Variants in SIL1 observed in about 807,000 individuals in gnomAD.
SIL1 encodes SIL1 nucleotide exchange factor, also known as nucleotide exchange factor SIL1.
A neutral mutation model predicts 49.1 loss-of-function variants in SIL1; 40 were observed. The ratio of observed to expected loss-of-function variants is 0.81; its 90% CI spans 0.63 to 1.06. The LOEUF (loss-of-function observed/expected upper bound fraction) is 1.06. SIL1 is among the 50% of genes least tolerant of loss of function. The pLI is 0.00. For missense variants in SIL1, 500 were observed against 572.6 expected (o/e 0.87, Z 1.29); for synonymous variants, 253 against 250.8 (o/e 1.01, Z -0.08).
intron 3 of SIL1, among the ~76,000 whole-genome samples, chr5:139,082,934 A>G (rs893015196): frequency 6.6e-6 from 1 of 152,226 alleles, no homozygotes; most frequent in African/African-American, 2.4e-5. Flanking sequence ...CTAGACGAAC[A>G]GGAAGGCCCC....
chr5:139,111,942 C>G (rs1315665212), intron 3 of SIL1, among the ~76,000 whole-genome samples: 2 of 152,240 alleles, frequency 1.3e-5, no homozygotes, highest in Non-Finnish European at 2.9e-5. Context: ...TGCAACCTCC[C>G]TGCCTGATTC....
At chr5:139,106,832 C>T (rs1770723663) in intron 3 of SIL1, among the ~76,000 whole-genome samples, 2 of 152,236 alleles carry the variant, frequency 1.3e-5, no homozygotes, top group South Asian at 4.1e-4. Flanking sequence ...TGTGCAAAAG[C>T]AAGCCACTTG....
intron 1 of SIL1, among the ~76,000 whole-genome samples, chr5:139,128,221 C>T (rs1750793173): frequency 6.6e-6 from 1 of 152,162 alleles, no homozygotes; most frequent in African/African-American, 2.4e-5. Flanking sequence ...GGCACAAATC[C>T]ACATAAGCCT....
intron 1 of SIL1, among the ~76,000 whole-genome samples, chr5:139,130,115 C>T (rs963261361): frequency 5.9e-5 from 9 of 151,856 alleles, no homozygotes; most frequent in African/African-American, 2.2e-4. Context: ...TCTAAAAAAA[C>T]AAATTAAAAA....
intron 3 of SIL1, among the ~76,000 whole-genome samples, chr5:139,109,114 T>C (rs972827553): frequency 6.6e-6 from 1 of 152,212 alleles, no homozygotes. Flanking sequence ...TTTATCTGGG[T>C]GCCTCCATTA....
At chr5:139,032,382 C>T (rs1768812746) in intron 5 of SIL1, among the ~76,000 whole-genome samples, 1 of 152,146 alleles carries the variant, frequency 6.6e-6, no homozygotes, top group Non-Finnish European at 1.5e-5. Flanking sequence ...ATTTTTTGTA[C>T]ACTGAACCAG....
chr5:139,162,658 G>C (rs1561885736), intron 1 of SIL1, among the ~76,000 whole-genome samples: 1 of 152,118 alleles, frequency 6.6e-6, no homozygotes, highest in Non-Finnish European at 1.5e-5. Flanking sequence ...GTGTACCCAG[G>C]TTCAGCGTAA....
At chr5:139,079,924 G>A (rs1770036079) in intron 3 of SIL1, among the ~76,000 whole-genome samples, 1 of 152,160 alleles carries the variant, frequency 6.6e-6, no homozygotes, top group African/African-American at 2.4e-5. Context: ...CCAAAAGCAA[G>A]TACTTGAAAA....
At chr5:138,997,220 A>G (rs113408922) in intron 7 of SIL1, among the ~76,000 whole-genome samples, 10 of 152,278 alleles carry the variant, frequency 6.6e-5, no homozygotes, top group African/African-American at 1.9e-4. Context: ...ATGAGCCACC[A>G]CACCTGGTTT....
intron 1 of SIL1, among the ~76,000 whole-genome samples, chr5:139,159,602 CA>C (rs1251286214): frequency 1.3e-5 from 2 of 152,022 alleles, no homozygotes; most frequent in Admixed American, 1.3e-4. Flanking sequence ...TCAAAGTTTC[CA>C]GAATTTTGCT....
Position 139,193,567 on chromosome 5 carries a change from C to CA in SIL1, c.-11+4701dup, listed in dbSNP as rs545668237. Among the ~76,000 whole-genome samples the CA allele has an allele frequency of 3.3e-4, 50 of 151,750 alleles. 1 individual carries two copies. The East Asian group carries it at 9.1e-3, about 28-fold the overall frequency. On this transcript the variant is annotated intron_variant, in intron 1 of 9. Transcript: ENST00000394817. ...TGGGCGACAGAGTGAGACTCCCTCT[C>CA]AAAAAAACATTCCACTGGGGAGTAG...
At chr5:139,081,577 T>C (rs1243076098) in intron 3 of SIL1, among the ~76,000 whole-genome samples, 1 of 152,154 alleles carries the variant, frequency 6.6e-6, no homozygotes, top group African/African-American at 2.4e-5. Flanking sequence ...ACTATGTGAA[T>C]GGCTACAAGA....
At chr5:139,097,324 T>A (rs1254328639) in intron 3 of SIL1, among the ~76,000 whole-genome samples, 1 of 152,056 alleles carries the variant, frequency 6.6e-6, no homozygotes. Flanking sequence ...CTTTGCTACC[T>A]GCTCATTGTA....
intron 1 of SIL1, among the ~76,000 whole-genome samples, chr5:139,195,623 G>A (rs995969620): frequency 2.0e-5 from 3 of 151,974 alleles, no homozygotes; most frequent in African/African-American, 4.8e-5. Context: ...TCCTGACCTC[G>A]TGATCCGCCC....
At chr5:139,131,279 G>A (rs940878137) in intron 1 of SIL1, among the ~76,000 whole-genome samples, 4 of 152,124 alleles carry the variant, frequency 2.6e-5, no homozygotes, top group African/African-American at 7.2e-5. Context: ...TGAAGAATGC[G>A]GTGTTTACTT....
At chr5:139,088,832 A>C (rs534652833) in intron 3 of SIL1, among the ~76,000 whole-genome samples, 36 of 152,266 alleles carry the variant, frequency 2.4e-4, no homozygotes, top group South Asian at 2.1e-3. Flanking sequence ...GAAGGACAAT[A>C]CTCACTTCAG....
chr5:138,951,839 C>T lies in SIL1; in HGVS notation c.813G>A (p.Gln271=), dbSNP rs747923562. The change falls in exon 8 of 10, where the codon CAG becomes CAA. Residue 271 remains glutamine (Q), a synonymous_variant. Transcript: ENST00000394817. The part of the protein sequence containing the change: ...QVEAIEGGAL[Q]KLLVILATEQ... ...CCGTGGCCAGGATGACCAGCAGCTT[C>T]TGCAGGGCTCCCCCTTCGATGGCCT... 6 of 1,614,088 alleles carry T rather than the reference C, an allele frequency of 3.7e-6. No homozygotes were observed. Among genetic ancestry groups the T allele is most frequent in the Non-Finnish European group, 5.1e-6 (6 of 1,180,040 alleles).
In SIL1 at chr5:138,951,815, C is replaced by T. The variant is rs1035913513; in HGVS notation, c.837G>A (p.Thr279=). The change falls in exon 8 of 10, where the codon ACG becomes ACA. Residue 279 remains threonine, a synonymous_variant. Coordinates refer to ENST00000394817, the MANE Select transcript of SIL1 (RefSeq NM_022464.5). ...TCTTCTTTGCAGTGAGCGGCTGCTC[C>T]GTGGCCAGGATGACCAGCAGCTTCT... ...ALQKLLVILA[T]EQPLTAKKKV... is the part of the protein sequence containing the mutation. The T allele has an allele frequency of 6.8e-6, 11 of 1,613,952 alleles. No individual in the cohort carries two copies. Among genetic ancestry groups the T allele is most frequent in the East Asian group, 2.2e-5 (1 of 44,892 alleles).
chr5:139,194,791 A>G (rs1752234090), intron 1 of SIL1, among the ~76,000 whole-genome samples: 1 of 152,230 alleles, frequency 6.6e-6, no homozygotes, highest in Non-Finnish European at 1.5e-5. Context: ...CAGCCTCTGC[A>G]GCAAAACTTC....
Sources: gnomAD v4.1 joint callset for allele counts (sites outside exome capture counted in the v4.1 genomes callset) on GRCh38, gnomAD v4.1.1 for gene constraint, MANE v1.5 for transcripts, NCBI Gene and HGNC (gene_info 2026-07-23, HGNC 2026-07-21) for gene names.